The following WDR26 variants were observed in gnomAD, a reference collection of about 807,000 sequenced individuals.
WDR26 encodes WD repeat-containing protein 26.
A neutral mutation model predicts 84.1 loss-of-function variants in WDR26; 5 were observed. The observed-to-expected ratio is 0.06, with a 90% CI of 0.03 to 0.13. WDR26 has a LOEUF of 0.13. Among genes scored for constraint, WDR26 ranks in the 10% least tolerant of loss-of-function variants. WDR26 has a pLI of 1.00. For missense variants in WDR26, 642 were observed against 974.9 expected, an observed-to-expected ratio of 0.66 and a Z score of 4.55; for synonymous variants, 415 against 389.6, an observed-to-expected ratio of 1.07 and a Z score of -0.77.
chr1:224,397,406 C>A (rs537227842), intron 12 of WDR26, among the ~76,000 whole-genome samples: 2 of 152,178 alleles, frequency 1.3e-5, no homozygotes, highest in South Asian at 2.1e-4. Context: ...AAGTTCCTAT[C>A]GCCTTAAAAA....
At chr1:224,404,920 C>A (rs920920608) in intron 7 of WDR26, among the ~76,000 whole-genome samples, 1 of 152,192 alleles carries the variant, frequency 6.6e-6, no homozygotes, top group African/African-American at 2.4e-5. Context: ...CTATCTCTTA[C>A]ATATTTTTAA....
intron 9 of WDR26, among the ~76,000 whole-genome samples, chr1:224,399,878 G>C (rs117264325): frequency 1.3e-5 from 2 of 152,130 alleles, no homozygotes; most frequent in African/African-American, 4.8e-5. Flanking sequence ...AGGCCAAGGC[G>C]GGAGGATCAT....
At chr1:224,412,325 C>CA (rs1558431109) in intron 6 of WDR26, among the ~76,000 whole-genome samples, 1 of 152,138 alleles carries the variant, frequency 6.6e-6, no homozygotes. Flanking sequence ...AGTAGTCTGA[C>CA]AGACTTAGAT....
At chr1:224,433,632 A>G (rs201638957) in intron 1 of WDR26, 52 bp downstream of exon 1, 144 of 1,075,312 alleles carry the variant, frequency 1.3e-4, no homozygotes, top group Non-Finnish European at 1.5e-4. Context: ...ACCCCCCTGG[A>G]GCCTCCGTCC....
intron 1 of WDR26, among the ~76,000 whole-genome samples, chr1:224,432,572 TTTC>T (rs1411505927): frequency 6.6e-6 from 1 of 152,234 alleles, no homozygotes; most frequent in Non-Finnish European, 1.5e-5. Flanking sequence ...GTTTCAATGC[TTTC>T]TTATTCAGCT....
At chr1:224,417,075 C>T (rs931442228) in intron 6 of WDR26, among the ~76,000 whole-genome samples, 1 of 152,072 alleles carries the variant, frequency 6.6e-6, no homozygotes, top group Non-Finnish European at 1.5e-5. Context: ...TTTTGTACTT[C>T]AAGTAGGGAG....
chr1:224,420,699 CA>C (rs897795616), intron 4 of WDR26, among the ~76,000 whole-genome samples: 4 of 152,024 alleles, frequency 2.6e-5, no homozygotes, highest in African/African-American at 4.8e-5. Context: ...TTTAACTGAT[CA>C]AAAAAACTTA....
At chr1:224,411,149 C>T (rs1250684569) in intron 7 of WDR26, among the ~76,000 whole-genome samples, 1 of 152,174 alleles carries the variant, frequency 6.6e-6, no homozygotes, top group Non-Finnish European at 1.5e-5. Context: ...CCTCATCTGA[C>T]TGCAGGAGAT....
chr1:224,434,323 C>T lies in WDR26; in HGVS notation c.83G>A (p.Arg28Gln). The T allele has an allele frequency of 1.6e-6, 2 of 1,230,552 alleles. No individual in the cohort carries two copies. The highest frequency in any genetic ancestry group is 1.0e-6 in the Non-Finnish European group (1 of 987,656). The allele number at this position is 1,230,552 out of a possible 1,614,324, so 76.2% of individuals were successfully genotyped here. A position where few individuals can be genotyped will look rare whatever the true frequency, so the allele number is the denominator to read the frequency against. The change falls in exon 1 of 14, where the codon CGG becomes CAG. Residue 28 changes from arginine (R) to glutamine (Q), a missense_variant. Arg to Gln is a conservative substitution (Grantham distance 43). Coordinates refer to ENST00000414423, the MANE Select transcript of WDR26 (RefSeq NM_001379403.1). ...CGCCGCCGAGGCTCGGGGTTTCTTCCGCGGGGGCGGGGAGGCTCCGCCGGT... is the reference window on the plus strand; with the variant it reads ...CGCCGCCGAGGCTCGGGGTTTCTTCTGCGGGGGCGGGGAGGCTCCGCCGGT...
intron 1 of WDR26, 112 bp downstream of exon 1, chr1:224,433,572 T>C: frequency 7.3e-7 from 1 of 1,375,388 alleles, no homozygotes; most frequent in Non-Finnish European, 9.5e-7. Context: ...GCACTCATTC[T>C]CTTTGACCGA....
chr1:224,409,694 C>T (rs918108311), intron 7 of WDR26, among the ~76,000 whole-genome samples: 1 of 151,770 alleles, frequency 6.6e-6, no homozygotes, highest in Non-Finnish European at 1.5e-5. Flanking sequence ...AACCCCGTCT[C>T]TACTTCAAAA....
At chr1:224,398,479 G>A (rs1185913380) in intron 11 of WDR26, 36 bp downstream of exon 11, 4 of 1,544,322 alleles carry the variant, frequency 2.6e-6, no homozygotes, top group Admixed American at 4.2e-5. Flanking sequence ...CTTGTACTAA[G>A]CCAAATTTTT....
In WDR26 at chr1:224,423,285, C is replaced by T. The variant is rs1016509488; in HGVS notation, c.1064+1233G>A. Among the ~76,000 whole-genome samples the T allele has an allele frequency of 2.6e-5, 4 of 152,266 alleles. No homozygotes were observed. The South Asian group carries it at 6.2e-4, about 24-fold the overall frequency. On this transcript the variant is annotated intron_variant, in intron 4 of 13. Coordinates refer to ENST00000414423, the MANE Select transcript of WDR26 (RefSeq NM_001379403.1). ...AACCTCCAATACAATGTTGAACAGA[C>T]GTAGCAAGAGTAGACATCATTGTCC...
At position 224,387,224 on chromosome 1, in the gene WDR26, T is replaced by C. The variant is rs1673009773; in HGVS notation, c.*2611A>G. On this transcript the variant is annotated 3_prime_UTR_variant, in exon 14 of 14. Coordinates refer to ENST00000414423, the MANE Select transcript of WDR26 (RefSeq NM_001379403.1). ...ATAAGACTCACTCTTAAGCCTACTA[T>C]AGAGCCTACAGCACTATCAGAAGTT... 1.3e-5 allele frequency: 2 copies of C among 152,624 alleles called. No homozygotes were observed. Among genetic ancestry groups the C allele is most frequent in the South Asian group, 2.1e-4 (1 of 4,822 alleles). The allele number at this position is 152,624 out of a possible 1,614,324, so 9.5% of individuals were successfully genotyped here.
intron 7 of WDR26, among the ~76,000 whole-genome samples, chr1:224,408,454 C>T (rs960800486): frequency 1.3e-5 from 2 of 152,176 alleles, no homozygotes; most frequent in African/African-American, 4.8e-5. Flanking sequence ...TTCTTATACA[C>T]TGCTACTAGG....
intron 3 of WDR26, chr1:224,430,665 C>G (rs1447901338): frequency 6.6e-6 from 1 of 152,172 alleles, no homozygotes. Context: ...TCTCCCCACC[C>G]CCAGACAGGA....
intron 3 of WDR26, among the ~76,000 whole-genome samples, chr1:224,427,056 T>C (rs1268198915): frequency 2.1e-5 from 3 of 143,166 alleles, no homozygotes; most frequent in Non-Finnish European, 4.5e-5. Flanking sequence ...TGAGCCGAGA[T>C]TGTGCTACTG....
At chr1:224,407,075 T>C (rs907137133) in intron 7 of WDR26, among the ~76,000 whole-genome samples, 4 of 133,752 alleles carry the variant, frequency 3.0e-5, no homozygotes, top group African/African-American at 5.7e-5. Flanking sequence ...TGAGCCAAGA[T>C]TGCGCCACTG....
In WDR26 at chr1:224,395,295, C is replaced by T. The variant is rs965368014; in HGVS notation, c.2075-1282G>A. On this transcript the variant is annotated intron_variant, in intron 12 of 13. Coordinates refer to ENST00000414423, the MANE Select transcript of WDR26 (RefSeq NM_001379403.1). ...ACGAGATTAAGTACAGGTGATGGTTCTTGAACAGAGGGCAGAATCCCAGGG... is the reference window on the plus strand; with the variant it reads ...ACGAGATTAAGTACAGGTGATGGTTTTTGAACAGAGGGCAGAATCCCAGGG... Among the ~76,000 whole-genome samples the T allele has an allele frequency of 1.1e-4, 16 of 152,232 alleles. 1 individual carries two copies. Among genetic ancestry groups the T allele is most frequent in the Middle Eastern group, 3.4e-3 (1 of 294 alleles).
Sources: gnomAD v4.1 joint callset for allele counts (sites outside exome capture counted in the v4.1 genomes callset) on GRCh38, gnomAD v4.1.1 for gene constraint, MANE v1.5 for transcripts, NCBI Gene and HGNC (gene_info 2026-07-23, HGNC 2026-07-21) for gene names.